Variants in FBXO42 observed in about 807,000 individuals in gnomAD.
FBXO42 encodes F-box protein 42.
Under a neutral mutation model 71.7 loss-of-function variants are expected in FBXO42, and 12 were observed. The ratio of observed to expected loss-of-function variants is 0.17; its 90% CI spans 0.11 to 0.27. The LOEUF (loss-of-function observed/expected upper bound fraction) is 0.27. Ranked by LOEUF, FBXO42 falls within the 10% of genes least tolerant of loss-of-function variation. FBXO42 has a pLI of 1.00. For missense variants in FBXO42, 707 were observed against 911.9 expected (o/e 0.78, Z 2.89); for synonymous variants, 325 against 327.5 (o/e 0.99, Z 0.08).
At chr1:16,297,163 C>T (rs12724301) in intron 3 of FBXO42, among the ~76,000 whole-genome samples, 4 of 151,776 alleles carry the variant, frequency 2.6e-5, no homozygotes, top group African/African-American at 9.7e-5. Context: ...AAGCTGGTCT[C>T]GAACTCCTGA....
intron 3 of FBXO42, among the ~76,000 whole-genome samples, chr1:16,297,934 A>G (rs975149400): frequency 2.0e-5 from 3 of 151,056 alleles, no homozygotes; most frequent in Admixed American, 2.0e-4. Context: ...GTTAAGAACT[A>G]CAAATAACAG....
chr1:16,257,318 T>C (rs979037113), intron 4 of FBXO42, among the ~76,000 whole-genome samples: 7 of 152,274 alleles, frequency 4.6e-5, no homozygotes, highest in African/African-American at 1.4e-4. Context: ...AATTTTAACA[T>C]AGGGACCTCC....
At chr1:16,300,465 G>A (rs181089791) in intron 3 of FBXO42, among the ~76,000 whole-genome samples, 10 of 152,146 alleles carry the variant, frequency 6.6e-5, no homozygotes. Context: ...ATGGTGTATG[G>A]AGCATTCAAT....
intron 4 of FBXO42, among the ~76,000 whole-genome samples, chr1:16,276,847 T>C (rs2081909760): frequency 6.6e-6 from 1 of 152,218 alleles, no homozygotes; most frequent in Admixed American, 6.5e-5. Flanking sequence ...TCACAGCATG[T>C]AGATTTGAAA....
intron 2 of FBXO42, among the ~76,000 whole-genome samples, chr1:16,313,320 A>AAAGAAAG (rs2082332709): frequency 9.1e-6 from 1 of 110,156 alleles, no homozygotes; most frequent in African/African-American, 3.9e-5. Flanking sequence ...AAGAGAAAAG[A>AAAGAAAG]AAACAAAGAA....
intron 4 of FBXO42, among the ~76,000 whole-genome samples, chr1:16,278,016 T>G (rs1227240317): frequency 1.1e-4 from 17 of 150,556 alleles, no homozygotes; most frequent in African/African-American, 4.2e-4. Flanking sequence ...TACTCCAGCC[T>G]GGGTGATGGA....
intron 4 of FBXO42, among the ~76,000 whole-genome samples, chr1:16,274,593 T>TTG (rs966834527): frequency 9.3e-6 from 1 of 107,880 alleles, no homozygotes; most frequent in African/African-American, 3.6e-5. Flanking sequence ...CCCCCGTTTT[T>TTG]TTTTTTTTTT....
intron 4 of FBXO42, among the ~76,000 whole-genome samples, chr1:16,266,074 A>G (rs2100461091): frequency 6.6e-6 from 1 of 152,312 alleles, no homozygotes; most frequent in East Asian, 1.9e-4. Context: ...GCTTTAAAAC[A>G]CTTTCAAATA....
At chr1:16,335,524 CTTT>C (rs1477559741) in intron 1 of FBXO42, among the ~76,000 whole-genome samples, 3 of 152,044 alleles carry the variant, frequency 2.0e-5, no homozygotes, top group Non-Finnish European at 4.4e-5. Context: ...TCAATCTATT[CTTT>C]ATTTCGCTGT....
At chr1:16,301,725 G>A in intron 3 of FBXO42, among the ~76,000 whole-genome samples, 1 of 150,800 alleles carries the variant, frequency 6.6e-6, no homozygotes, top group South Asian at 2.1e-4. Context: ...TCTAAGACAT[G>A]GAGCCTGTCT....
chr1:16,287,820 A>T (rs1228970951), intron 4 of FBXO42, among the ~76,000 whole-genome samples: 1 of 152,104 alleles, frequency 6.6e-6, no homozygotes, highest in African/African-American at 2.4e-5. Flanking sequence ...ACAGTGGCTC[A>T]TGCCTGTAAT....
intron 4 of FBXO42, chr1:16,293,559 A>G (rs2082101015): frequency 6.6e-6 from 1 of 152,020 alleles, no homozygotes. Flanking sequence ...CCACCCTCCT[A>G]CCCTCCAAAT....
intron 4 of FBXO42, among the ~76,000 whole-genome samples, chr1:16,286,803 C>T (rs4661734): frequency 0.27 from 41,497 of 152,048 alleles, 6,560 homozygotes; most frequent in Non-Finnish European, 0.37. Context: ...ATGAAAATTC[C>T]ACCCTTTCAA....
chr1:16,291,335 C>G (rs2082075574), intron 4 of FBXO42, among the ~76,000 whole-genome samples: 1 of 151,684 alleles, frequency 6.6e-6, no homozygotes, highest in African/African-American at 2.4e-5. Flanking sequence ...GGGCATCTTA[C>G]ATGGGGTTTC....
chr1:16,275,516 G>A (rs1369227592), intron 4 of FBXO42, among the ~76,000 whole-genome samples: 1 of 152,136 alleles, frequency 6.6e-6, no homozygotes, highest in Non-Finnish European at 1.5e-5. Context: ...CTACTTGGGA[G>A]GCTGAAGCAG....
intron 5 of FBXO42, 40 bp downstream of exon 5, chr1:16,256,566 C>CT: frequency 6.3e-7 from 1 of 1,599,694 alleles, no homozygotes; most frequent in Non-Finnish European, 8.6e-7. Context: ...GATTTAAGGC[C>CT]TTTTCTTCCA....
At chr1:16,275,818 G>A (rs1293637415) in intron 4 of FBXO42, among the ~76,000 whole-genome samples, 2 of 151,924 alleles carry the variant, frequency 1.3e-5, no homozygotes, top group African/African-American at 4.8e-5. Context: ...AGACCAGCCT[G>A]GCCAACATGG....
At chr1:16,338,811 T>TTTTTTG in intron 1 of FBXO42, among the ~76,000 whole-genome samples, 1 of 138,136 alleles carries the variant, frequency 7.2e-6, no homozygotes, top group Non-Finnish European at 1.5e-5. Context: ...TGTCTTTTTT[T>TTTTTTG]TTTTTTTTTT....
rs761088705 is a variant in FBXO42 at position 16,252,397 on chromosome 1, T to C, written c.929A>G (p.Lys310Arg). 7 of 1,613,316 alleles carry C rather than the reference T, an allele frequency of 4.3e-6. No individual in the cohort carries two copies. In the African/African-American group the frequency reaches 8.0e-5, roughly 18 times the overall value. ...ATGCATGTGCAACAACCAAGCATCCTTGAATAGCTGTAAGAGAAAAAACCA... is the reference window on the plus strand; with the variant it reads ...ATGCATGTGCAACAACCAAGCATCCCTGAATAGCTGTAAGAGAAAAAACCA... ...GGCGGPNALF[K>R]DAWLLHMHSG... Residue 310 changes from lysine (K) to arginine (R), a missense_variant, in exon 9 of 10, where the codon AAG becomes AGG. Lys to Arg is a conservative substitution (Grantham distance 26, BLOSUM62 2). This residue lies in a region of FBXO42 where 482 missense variants were observed against 587.1 expected (regional missense o/e 0.82). Transcript: ENST00000375592. This position sits in a 1 kb window ranked among gnomAD's most constrained non-coding sequence, Gnocchi z 4.4.
Sources: gnomAD v4.1 joint callset for allele counts (sites outside exome capture counted in the v4.1 genomes callset) on GRCh38, gnomAD v4.1.1 for gene constraint, gnomAD v4.1.1 regional missense constraint, Gnocchi (gnomAD v3.1) non-coding constraint, MANE v1.5 for transcripts, NCBI Gene and HGNC (gene_info 2026-07-23, HGNC 2026-07-21) for gene names.